The following AMPH variants were observed in gnomAD, a reference collection of about 807,000 sequenced individuals.
The protein encoded by AMPH is amphiphysin, also known as amphiphysin (Stiff-Mann syndrome with breast cancer 128kD autoantigen).
In AMPH, 49 loss-of-function variants were observed where a neutral mutation model predicts 99.1. The ratio of observed to expected loss-of-function variants is 0.49; its 90% CI spans 0.39 to 0.63. The LOEUF (loss-of-function observed/expected upper bound fraction) is 0.63. AMPH is among the 20% of genes least tolerant of loss of function. The probability of loss-of-function intolerance (pLI) is 0.00; values close to 1 mark genes in which losing one functional copy is unlikely to be tolerated. For synonymous variants in AMPH, 314 were observed against 317.3 expected (o/e 0.99, Z 0.11); for missense variants, 759 against 863.4 (o/e 0.88, Z 1.52).
At chr7:38,600,611 C>A (rs1016676770) in intron 1 of AMPH, among the ~76,000 whole-genome samples, 2 of 151,994 alleles carry the variant, frequency 1.3e-5, no homozygotes, top group African/African-American at 4.8e-5. Flanking sequence ...AATCTTTGAC[C>A]ATTTTTTACC....
At chr7:38,418,710 G>C (rs1282044586) in intron 16 of AMPH, among the ~76,000 whole-genome samples, 1 of 151,932 alleles carries the variant, frequency 6.6e-6, no homozygotes, top group African/African-American at 2.4e-5. Context: ...TATAATAGTT[G>C]TTTAAAGAAC....
At chr7:38,409,893 T>C (rs987904212) in intron 17 of AMPH, among the ~76,000 whole-genome samples, 2 of 152,208 alleles carry the variant, frequency 1.3e-5, no homozygotes, top group Non-Finnish European at 2.9e-5. Context: ...AAGTTTTAAT[T>C]AGTGATTTAT....
intron 16 of AMPH, among the ~76,000 whole-genome samples, chr7:38,421,845 A>G (rs189030879): frequency 6.6e-6 from 1 of 152,328 alleles, no homozygotes; most frequent in East Asian, 1.9e-4. Context: ...GTTGCTAAAA[A>G]TGTTTCCCAT....
chr7:38,467,528 C>A (rs1024800175), intron 7 of AMPH, among the ~76,000 whole-genome samples: 8 of 152,010 alleles, frequency 5.3e-5, no homozygotes, highest in Non-Finnish European at 1.2e-4. Context: ...AACAAAGGAC[C>A]TATCCAACTC....
chr7:38,544,755 CT>C (rs1424712145), intron 1 of AMPH, among the ~76,000 whole-genome samples: 1 of 152,204 alleles, frequency 6.6e-6, no homozygotes, highest in Non-Finnish European at 1.5e-5. Context: ...TCTAGGAAGA[CT>C]AAGTGAGAAC....
intron 1 of AMPH, among the ~76,000 whole-genome samples, chr7:38,538,411 A>G (rs41478945): frequency 0.43 from 65,636 of 151,996 alleles, 14,698 homozygotes; most frequent in South Asian, 0.53. Flanking sequence ...TTTCAATAGT[A>G]TTCAAGCCCA....
chr7:38,629,416 C>T (rs1794376488), intron 1 of AMPH, among the ~76,000 whole-genome samples: 2 of 152,254 alleles, frequency 1.3e-5, no homozygotes, highest in African/African-American at 4.8e-5. Context: ...CCAAGAGGGT[C>T]TCTCACCCCC....
chr7:38,546,423 T>G (rs1357719935), intron 1 of AMPH, among the ~76,000 whole-genome samples: 1 of 152,118 alleles, frequency 6.6e-6, no homozygotes, highest in African/African-American at 2.4e-5. Context: ...AAAAAAAAAA[T>G]TAAACACTAT....
At chr7:38,491,204 T>G (rs1188370521) in intron 4 of AMPH, 59 bp from the exon 5 acceptor site, 1 of 1,185,442 alleles carries the variant, frequency 8.4e-7, no homozygotes, top group Non-Finnish European at 1.2e-6. Context: ...TTCACCAAAC[T>G]TCTAAAAAAA....
chr7:38,595,328 G>A (rs1342525417), intron 1 of AMPH, among the ~76,000 whole-genome samples: 1 of 152,138 alleles, frequency 6.6e-6, no homozygotes, highest in East Asian at 1.9e-4. Context: ...GGGAGGTGCT[G>A]GGAAGACAAA....
chr7:38,439,730 G>C (rs1239483254), intron 11 of AMPH, among the ~76,000 whole-genome samples: 2 of 152,134 alleles, frequency 1.3e-5, no homozygotes, highest in Non-Finnish European at 2.9e-5. Context: ...ACCAGCTGTG[G>C]AAACCACAGT....
At chr7:38,401,180 A>G (rs905180646) in intron 17 of AMPH, among the ~76,000 whole-genome samples, 2 of 152,172 alleles carry the variant, frequency 1.3e-5, no homozygotes, top group East Asian at 3.8e-4. Context: ...TGTGAGAAAG[A>G]TCTTTGGTTT....
At position 38,426,801 on chromosome 7, in the gene AMPH, T is replaced by C. The variant is rs532039967; in HGVS notation, c.1215+153A>G. On this transcript the variant is annotated intron_variant, in intron 15 of 20. Coordinates refer to ENST00000356264, the MANE Select transcript of AMPH (RefSeq NM_001635.4). ...ATCATACAATGTTGCTACTATTCTG[T>C]TTCCATTACTCAGTCTGTAAGTAGT... Among the ~76,000 whole-genome samples the C allele has an allele frequency of 1.1e-4, 16 of 152,314 alleles. 1 individual carries two copies. The highest frequency in any genetic ancestry group is 3.8e-4 in the African/African-American group (16 of 41,578).
chr7:38,476,982 A>G lies in AMPH; in HGVS notation c.397-13T>C, dbSNP rs1788109862. The G allele has an allele frequency of 6.2e-7, 1 of 1,611,114 alleles. No homozygotes were observed. Among genetic ancestry groups the G allele is most frequent in the Admixed American group, 1.7e-5 (1 of 59,944 alleles). On this transcript the variant is annotated splice_polypyrimidine_tract_variant and intron_variant, in intron 5 of 20. Transcript: ENST00000356264. Reference sequence around the variant, plus strand: ...TGGCGATGCGATTCTGTCAACAGGAAATGCACTCACTAAGAAAGAAGCATG... The same window carrying G: ...TGGCGATGCGATTCTGTCAACAGGAGATGCACTCACTAAGAAAGAAGCATG...
At chr7:38,464,657 CT>C (rs368358251) in intron 9 of AMPH, among the ~76,000 whole-genome samples, 4 of 151,362 alleles carry the variant, frequency 2.6e-5, no homozygotes, top group East Asian at 1.9e-4. Context: ...TCAATAGTAT[CT>C]TTTTTTTTCT....
chr7:38,527,091 TTGGTTACCTATTC>T, intron 2 of AMPH, among the ~76,000 whole-genome samples: 1 of 152,254 alleles, frequency 6.6e-6, no homozygotes, highest in Non-Finnish European at 1.5e-5. Flanking sequence ...GGTCTATTTC[TTGGTTACCTATTC>T]TGTTCTATTA....
chr7:38,599,786 AT>A (rs1157372803), intron 1 of AMPH, among the ~76,000 whole-genome samples: 1 of 151,024 alleles, frequency 6.6e-6, no homozygotes, highest in Non-Finnish European at 1.5e-5. Flanking sequence ...TTAATATTAA[AT>A]TTGAAATATT....
intron 1 of AMPH, among the ~76,000 whole-genome samples, chr7:38,552,691 C>T (rs1044371954): frequency 6.6e-6 from 1 of 152,124 alleles, no homozygotes; most frequent in Non-Finnish European, 1.5e-5. Flanking sequence ...CCATTAATTT[C>T]CCTATGTAAA....
rs557946225 is a variant in AMPH, at chr7:38,466,317, A to G, written c.591-69T>C. ...ACCAGTCAGTAAAAATAATTTTAAT[A>G]GCAATGAAATGTATGAAAACCCAGG... On this transcript the variant is annotated intron_variant, in intron 7 of 20. Transcript: ENST00000356264. 203 of 1,278,160 alleles carry G rather than the reference A, an allele frequency of 1.6e-4. No individual in the cohort carries two copies. The South Asian group carries it at 2.5e-3, about 15-fold the overall frequency. 79.2% of individuals were successfully genotyped at this position (1,278,160 alleles called of 1,614,324 possible). A position where few individuals can be genotyped will look rare whatever the true frequency, so the allele number is the denominator to read the frequency against.
Sources: gnomAD v4.1 joint callset for allele counts (sites outside exome capture counted in the v4.1 genomes callset) on GRCh38, gnomAD v4.1.1 for gene constraint, MANE v1.5 for transcripts, NCBI Gene and HGNC (gene_info 2026-07-23, HGNC 2026-07-21) for gene names.